The following SLC25A12 variants were observed in gnomAD, a reference collection of about 807,000 sequenced individuals.
SLC25A12 encodes solute carrier family 25 member 12, also known as electrogenic aspartate/glutamate antiporter SLC25A12, mitochondrial.
Under a neutral mutation model 83.3 loss-of-function variants are expected in SLC25A12, and 32 were observed. That is an observed-to-expected ratio of 0.38 (90% CI 0.29 to 0.52). SLC25A12 has a LOEUF of 0.52. Ranked by LOEUF, SLC25A12 falls within the 20% of genes least tolerant of loss-of-function variation. SLC25A12 has a pLI of 0.84. For missense variants in SLC25A12, 611 were observed against 835.6 expected (o/e 0.73, Z 3.31); for synonymous variants, 267 against 291.1 (o/e 0.92, Z 0.84).
chr2:171,814,584 A>G (rs7586207), intron 10 of SLC25A12, among the ~76,000 whole-genome samples: 44,019 of 151,536 alleles, frequency 0.29, 6,720 homozygotes, highest in African/African-American at 0.38. Flanking sequence ...TACATATTTC[A>G]TCGCCCAGGT....
chr2:171,792,260 T>G (rs2105838443), intron 14 of SLC25A12, among the ~76,000 whole-genome samples: 1 of 152,090 alleles, frequency 6.6e-6, no homozygotes, highest in Non-Finnish European at 1.5e-5. Flanking sequence ...TGGCGCTTGT[T>G]TTTTTAATGA....
chr2:171,816,655 AGCAGATGGAGGGC>A (rs1684056189), intron 9 of SLC25A12, among the ~76,000 whole-genome samples: 1 of 152,136 alleles, frequency 6.6e-6, no homozygotes. Context: ...ATGAAACTCA[AGCAGATGGAGGGC>A]CCACTATATT....
chr2:171,848,502 G>T (rs905140301), intron 4 of SLC25A12, among the ~76,000 whole-genome samples: 3 of 152,124 alleles, frequency 2.0e-5, no homozygotes, highest in Non-Finnish European at 2.9e-5. Context: ...CACCATGAAT[G>T]GTGAATATCC....
intron 2 of SLC25A12, among the ~76,000 whole-genome samples, chr2:171,875,014 G>A (rs961032498): frequency 2.0e-5 from 3 of 152,212 alleles, no homozygotes; most frequent in Admixed American, 2.0e-4. Context: ...ACCGACTGCA[G>A]GCAGACTCTT....
chr2:171,828,132 G>A (rs942765085), intron 8 of SLC25A12, among the ~76,000 whole-genome samples: 2 of 152,148 alleles, frequency 1.3e-5, no homozygotes, highest in Admixed American at 6.5e-5. Context: ...CTTTTTTTCA[G>A]TCTTTCAGAG....
intron 5 of SLC25A12, among the ~76,000 whole-genome samples, chr2:171,843,774 G>A (rs1684732556): frequency 6.6e-6 from 1 of 151,272 alleles, no homozygotes; most frequent in Non-Finnish European, 1.5e-5. Context: ...AAGAGGGAGA[G>A]GAGAGAGGTG....
chr2:171,791,930 A>G (rs986412737), intron 14 of SLC25A12, among the ~76,000 whole-genome samples: 3 of 151,734 alleles, frequency 2.0e-5, no homozygotes, highest in African/African-American at 4.9e-5. Context: ...ATCTCTTACT[A>G]TGGTAAAAAC....
intron 4 of SLC25A12, among the ~76,000 whole-genome samples, chr2:171,850,269 C>T (rs1026744368): frequency 6.6e-6 from 1 of 151,336 alleles, no homozygotes; most frequent in Non-Finnish European, 1.5e-5. Flanking sequence ...GCACATGCCA[C>T]CACGCCCGGC....
intron 2 of SLC25A12, among the ~76,000 whole-genome samples, chr2:171,877,063 T>C (rs1483440430): frequency 1.3e-5 from 2 of 152,242 alleles, no homozygotes; most frequent in African/African-American, 4.8e-5. Flanking sequence ...ACATTGAGTA[T>C]AGTTAGCATG....
chr2:171,890,502 T>TAA (rs956703996), intron 2 of SLC25A12, among the ~76,000 whole-genome samples: 4 of 149,624 alleles, frequency 2.7e-5, no homozygotes, highest in African/African-American at 9.8e-5. Context: ...TGTGTGTGTG[T>TAA]AACAAGGTCT....
chr2:171,870,093 T>C (rs1045900274), intron 2 of SLC25A12, among the ~76,000 whole-genome samples: 2 of 152,166 alleles, frequency 1.3e-5, no homozygotes, highest in African/African-American at 4.8e-5. Context: ...TACTAATATA[T>C]CCCAAACACC....
intron 2 of SLC25A12, among the ~76,000 whole-genome samples, chr2:171,891,645 C>T (rs1341955699): frequency 1.3e-5 from 2 of 152,214 alleles, no homozygotes; most frequent in African/African-American, 4.8e-5. Flanking sequence ...CAACTCATTT[C>T]TTCCGCATCT....
At chr2:171,792,460 C>CTT (rs200941786) in intron 14 of SLC25A12, among the ~76,000 whole-genome samples, 3 of 147,448 alleles carry the variant, frequency 2.0e-5, no homozygotes, top group Admixed American at 6.8e-5. Context: ...CTAATTTTTT[C>CTT]TTTCTTTTTT....
intron 13 of SLC25A12, among the ~76,000 whole-genome samples, chr2:171,805,529 G>A (rs1558912822): frequency 6.6e-6 from 1 of 152,232 alleles, no homozygotes; most frequent in Non-Finnish European, 1.5e-5. Flanking sequence ...TTTGGAGATA[G>A]AAGTGGTTTG....
intron 3 of SLC25A12, among the ~76,000 whole-genome samples, chr2:171,863,144 C>T (rs1455510206): frequency 3.3e-5 from 5 of 152,172 alleles, no homozygotes; most frequent in Admixed American, 3.3e-4. Context: ...CTCAAGCGAT[C>T]CTCCCGCCTC....
intron 5 of SLC25A12, among the ~76,000 whole-genome samples, chr2:171,842,035 A>G (rs1265657710): frequency 6.6e-6 from 1 of 152,234 alleles, no homozygotes; most frequent in Non-Finnish European, 1.5e-5. Context: ...GTATATAGCC[A>G]AAAGAACTGA....
chr2:171,857,363 C>G (rs1439957802), intron 3 of SLC25A12, among the ~76,000 whole-genome samples: 1 of 152,048 alleles, frequency 6.6e-6, no homozygotes, highest in Non-Finnish European at 1.5e-5. Flanking sequence ...AGACCAGACT[C>G]TGTCTCAATA....
intron 4 of SLC25A12, among the ~76,000 whole-genome samples, chr2:171,847,249 T>C (rs1448898629): frequency 2.6e-5 from 4 of 152,254 alleles, no homozygotes; most frequent in Non-Finnish European, 5.9e-5. Context: ...GTTATCATTG[T>C]TTCTACTACC....
intron 6 of SLC25A12, 91 bp downstream of exon 6, chr2:171,837,030 A>C: frequency 1.6e-6 from 2 of 1,213,006 alleles, no homozygotes; most frequent in Non-Finnish European, 2.4e-6. Flanking sequence ...TGAATAGTTG[A>C]GAGTCATATG....
Sources: allele counts gnomAD v4.1 joint callset (sites outside exome capture counted in the v4.1 genomes callset), GRCh38; gene constraint gnomAD v4.1.1; transcripts MANE v1.5; gene names NCBI Gene and HGNC (gene_info 2026-07-23, HGNC 2026-07-21).